Variants in CCDC121 observed in about 807,000 individuals in gnomAD.
CCDC121 encodes the protein coiled-coil domain containing 121, also known as coiled-coil domain-containing protein 121.
For synonymous variants in CCDC121, 108 were observed against 120.0 expected (o/e 0.90, Z 0.65); for missense variants, 238 against 304.1 (o/e 0.78, Z 1.62).
chr2:27,628,433 T>G (rs1673375607), intron 1 of CCDC121: 1 of 1,551,484 alleles, frequency 6.4e-7, no homozygotes, highest in Non-Finnish European at 8.7e-7. Flanking sequence ...TCACGGCAAC[T>G]GTGTAGTTCA....
chr2:27,627,193 T>C lies in CCDC121; in HGVS notation c.607A>G (p.Lys203Glu), dbSNP rs768363062. Residue 203 changes from lysine (K) to glutamate (E), a missense_variant, in exon 2 of 2, where the codon AAG becomes GAG. Physicochemically the swap from Lys to Glu is moderately conservative, Grantham distance 56 (BLOSUM62 1). Coordinates refer to ENST00000324364, the MANE Select transcript of CCDC121 (RefSeq NM_024584.5). ...CGINRENQQF[K>E]KELLQLIEQA... ...TCAATTAGCTGCAGTAATTCCTTCT[T>C]GAACTGCTGGTTCTCTCTGTTGATG... 1.9e-5 allele frequency: 31 copies of C among 1,613,866 alleles called. No homozygotes were observed. The highest frequency in any genetic ancestry group is 1.3e-5 in the African/African-American group (1 of 74,926).
chr2:27,626,753 C>T lies in CCDC121; in HGVS notation c.*210G>A, dbSNP rs1298352195. On this transcript the variant is annotated 3_prime_UTR_variant, in exon 2 of 2. Coordinates refer to ENST00000324364, the MANE Select transcript of CCDC121 (RefSeq NM_024584.5). The stretch of plus-strand genomic sequence containing the variant: ...GGAGGTTTGTGGAATAGCTTATTAA[C>T]GAGTATTTAAAGAAAAAGCTAGTTA... 6.3e-6 allele frequency: 3 copies of T among 477,024 alleles called. No homozygotes were observed. Among genetic ancestry groups the T allele is most frequent in the African/African-American group, 2.0e-5 (1 of 50,594 alleles). The allele number at this position is 477,024 out of a possible 1,614,324, so 29.5% of individuals were successfully genotyped here.
rs573333820 is a variant in CCDC121 at position 27,627,904 on chromosome 2, G to A, written c.-105C>T. 39 of 1,611,626 alleles carry A rather than the reference G, an allele frequency of 2.4e-5. No individual in the cohort carries two copies. The South Asian group carries it at 4.3e-4, about 18-fold the overall frequency. ...TGATACGGTGGAAGGAGCCTTCTGG[G>A]GCCCTCAGCAAACCTGAAAGAACAA... is the stretch of plus-strand genomic sequence containing the variant. On this transcript the variant is annotated 5_prime_UTR_variant, in exon 2 of 2. Coordinates refer to ENST00000324364, the MANE Select transcript of CCDC121 (RefSeq NM_024584.5).
chr2:27,628,811 G>C (rs1289224650), intron 1 of CCDC121, 139 bp downstream of exon 1: 1 of 1,488,650 alleles, frequency 6.7e-7, no homozygotes, highest in Non-Finnish European at 8.9e-7. Context: ...AGGCTGCAGA[G>C]ATCAGCGCCC....
intron 1 of CCDC121, 146 bp downstream of exon 1, chr2:27,628,804 C>T (rs1322455378): frequency 6.7e-7 from 1 of 1,498,782 alleles, no homozygotes; most frequent in Non-Finnish European, 8.9e-7. Context: ...CCCTCCCAGG[C>T]TGCAGAGATC....
At position 27,625,664 on chromosome 2, in the gene CCDC121, T is replaced by G. The variant is rs1673261756; in HGVS notation, c.*1299A>C. The G allele has an allele frequency of 2.0e-5, 3 of 152,318 alleles. No individual in the cohort carries two copies. The highest frequency in any genetic ancestry group is 7.2e-5 in the African/African-American group (3 of 41,452). The allele number at this position is 152,318 out of a possible 1,614,324, so 9.4% of individuals were successfully genotyped here. A position where few individuals can be genotyped will look rare whatever the true frequency, so the allele number is the denominator to read the frequency against. On this transcript the variant is annotated 3_prime_UTR_variant, in exon 2 of 2. Coordinates refer to ENST00000324364, the MANE Select transcript of CCDC121 (RefSeq NM_024584.5). ...AAAATCAGTGGATAAATGTTTTTAT[T>G]TAATAACATTGTTTAATAAAAAACT...
intron 1 of CCDC121, 120 bp from the exon 2 acceptor site, chr2:27,628,037 G>A (rs892044040): frequency 2.7e-6 from 2 of 742,502 alleles, no homozygotes; most frequent in Admixed American, 5.5e-5. Context: ...CAGACATTAT[G>A]CAAGGTGTGG....
chr2:27,627,248 T>C lies in CCDC121; in HGVS notation c.552A>G (p.Ala184=). ...NMKAQALKLA[A]KRFIFEYSCG... is the part of the protein sequence containing the mutation. ...AGGAGTATTCAAAAATAAACCGCTTTGCTGCCAACTTCAAGGCCTGGGCCT... is the reference window on the plus strand; with the variant it reads ...AGGAGTATTCAAAAATAAACCGCTTCGCTGCCAACTTCAAGGCCTGGGCCT... The change falls in exon 2 of 2, where the codon GCA becomes GCG. Residue 184 remains alanine, a synonymous_variant. Coordinates refer to ENST00000324364, the MANE Select transcript of CCDC121 (RefSeq NM_024584.5). 1 of 1,614,008 alleles carries C rather than the reference T, an allele frequency of 6.2e-7. No individual in the cohort carries two copies. Among genetic ancestry groups the C allele is most frequent in the South Asian group, 1.1e-5 (1 of 91,076 alleles).
At chr2:27,628,782 G>A (rs1327247789) in intron 1 of CCDC121, 168 bp downstream of exon 1, 1 of 1,523,684 alleles carries the variant, frequency 6.6e-7, no homozygotes, top group South Asian at 1.2e-5. Context: ...GCCTTCCTCC[G>A]GGAGACAAAA....
At chr2:27,628,704 C>A in intron 1 of CCDC121, 3 of 1,551,662 alleles carry the variant, frequency 1.9e-6, no homozygotes, top group Non-Finnish European at 2.6e-6. Flanking sequence ...TCTGTGGGCT[C>A]AAAATGACAG....
At chr2:27,628,356 A>G (rs1157529493) in intron 1 of CCDC121, 7 of 1,516,458 alleles carry the variant, frequency 4.6e-6, no homozygotes, top group Middle Eastern at 1.7e-4. Context: ...ACCTTCAGTG[A>G]CTGGAGGGGA....
At chr2:27,628,284 G>C in intron 1 of CCDC121, 1 of 1,041,240 alleles carries the variant, frequency 9.6e-7, no homozygotes, top group Non-Finnish European at 1.4e-6. Context: ...AAACAGACTG[G>C]GTGGTCAGGA....
Position 27,627,523 on chromosome 2 carries a change from T to C in CCDC121, c.277A>G (p.Lys93Glu). The change falls in exon 2 of 2, where the codon AAG (lysine) becomes GAG (glutamate). Residue 93 changes from lysine to glutamate, a missense_variant. Physicochemically the swap from Lys to Glu is moderately conservative, Grantham distance 56. Coordinates refer to ENST00000324364, the MANE Select transcript of CCDC121 (RefSeq NM_024584.5). ...ISVLKTALLQ[K>E]ENIQSSLKRK... ...TTCAAACTGGATTGGATATTTTCCT[T>C]TTGCAAGAGCGCTGTTTTAAGCACT... The C allele has an allele frequency of 1.9e-6, 3 of 1,614,176 alleles. No homozygotes were observed. Among genetic ancestry groups the C allele is most frequent in the Non-Finnish European group, 2.5e-6 (3 of 1,180,034 alleles).
chr2:27,628,191 C>T lies in CCDC121; in HGVS notation c.-118-274G>A, dbSNP rs13431597. ...TTAAGTGACTTGCCCATGACTCACA[C>T]CACTAGCAAGTGGCAGAGCCTGGGT... On this transcript the variant is annotated intron_variant, in intron 1 of 1. Transcript: ENST00000324364. The T allele has an allele frequency of 1.1e-3, 724 of 638,970 alleles. 6 individuals carry two copies. In the African/African-American group the frequency reaches 0.012, roughly 11 times the overall value. The allele number at this position is 638,970 out of a possible 1,614,324, so 39.6% of individuals were successfully genotyped here. A position where few individuals can be genotyped will look rare whatever the true frequency, so the allele number is the denominator to read the frequency against.
At position 27,627,243 on chromosome 2, in the gene CCDC121, C is replaced by T. The variant is rs374230249; in HGVS notation, c.557G>A (p.Arg186Gln). 8.7e-6 allele frequency: 14 copies of T among 1,613,820 alleles called. No homozygotes were observed. Among genetic ancestry groups the T allele is most frequent in the African/African-American group, 2.7e-5 (2 of 74,902 alleles). The change falls in exon 2 of 2, where the codon CGG (arginine) becomes CAG (glutamine). Residue 186 changes from arginine (R) to glutamine (Q), a missense_variant. Transcript: ENST00000324364. ...GCCACAGGAGTATTCAAAAATAAACCGCTTTGCTGCCAACTTCAAGGCCTG... is the reference window on the plus strand; with the variant it reads ...GCCACAGGAGTATTCAAAAATAAACTGCTTTGCTGCCAACTTCAAGGCCTG... ...KAQALKLAAK[R>Q]FIFEYSCGIN...
Position 27,626,838 on chromosome 2 carries a change from C to T in CCDC121, c.*125G>A, listed in dbSNP as rs1572944736. Reference sequence around the variant, plus strand: ...TTGGATAAAACCATCTAATCCTTCACTCCAACACATCATGATGGAGATTTT... The same window carrying T: ...TTGGATAAAACCATCTAATCCTTCATTCCAACACATCATGATGGAGATTTT... On this transcript the variant is annotated 3_prime_UTR_variant, in exon 2 of 2. Coordinates refer to ENST00000324364, the MANE Select transcript of CCDC121 (RefSeq NM_024584.5). The T allele has an allele frequency of 2.1e-5, 15 of 727,176 alleles. No individual in the cohort carries two copies. The East Asian group carries it at 3.5e-4, about 17-fold the overall frequency. The allele number at this position is 727,176 out of a possible 1,614,324, so 45.0% of individuals were successfully genotyped here.
In CCDC121 at chr2:27,628,128, C is replaced by T. The variant is rs183127888; in HGVS notation, c.-118-211G>A. 7.6e-5 allele frequency: 47 copies of T among 620,586 alleles called. No homozygotes were observed. In the East Asian group the frequency reaches 9.6e-4, roughly 13 times the overall value. The allele number at this position is 620,586 out of a possible 1,614,324, so 38.4% of individuals were successfully genotyped here. The stretch of plus-strand genomic sequence containing the variant: ...TTCACTACAACCCTGGGAGGTATTA[C>T]CTCAGTTTTAAAAAAGGAGAAAACA... On this transcript the variant is annotated intron_variant, in intron 1 of 1. Coordinates refer to ENST00000324364, the MANE Select transcript of CCDC121 (RefSeq NM_024584.5).
intron 1 of CCDC121, 39 bp downstream of exon 1, chr2:27,628,911 A>G: frequency 6.7e-7 from 1 of 1,484,330 alleles, no homozygotes; most frequent in South Asian, 1.4e-5. Flanking sequence ...GCCCTGCCCG[A>G]CGCTAAGAAG....
Position 27,625,915 on chromosome 2 carries a change from C to T in CCDC121, c.*1048G>A, listed in dbSNP as rs1013555827. ...AAATATAAGATTATATTCCCCTATA[C>T]TAGGATTCAGCATTCAAATAAATCA... On this transcript the variant is annotated 3_prime_UTR_variant, in exon 2 of 2. Coordinates refer to ENST00000324364, the MANE Select transcript of CCDC121 (RefSeq NM_024584.5). The T allele has an allele frequency of 6.6e-6, 1 of 152,186 alleles. No homozygotes were observed. Among genetic ancestry groups the T allele is most frequent in the Non-Finnish European group, 1.5e-5 (1 of 67,994 alleles). The allele number at this position is 152,186 out of a possible 1,614,324, so 9.4% of individuals were successfully genotyped here.
Sources: gnomAD v4.1 joint callset for allele counts on GRCh38, gnomAD v4.1.1 for gene constraint, MANE v1.5 for transcripts, NCBI Gene and HGNC (gene_info 2026-07-23, HGNC 2026-07-21) for gene names.